CSGALNACT1: variants seen among roughly 807,000 people sequenced by gnomAD.
The protein encoded by CSGALNACT1 is chondroitin sulfate N-acetylgalactosaminyltransferase 1, also known as beta4GalNAcT-1.
A neutral mutation model predicts 51.0 loss-of-function variants in CSGALNACT1; 52 were observed. The observed-to-expected ratio is 1.02, with a 90% CI of 0.82 to 1.29. CSGALNACT1 has a LOEUF of 1.29. CSGALNACT1 is among the 50% of genes most tolerant of loss of function. The probability of loss-of-function intolerance (pLI) is 0.00; values close to 1 mark genes in which losing one functional copy is unlikely to be tolerated. For synonymous variants in CSGALNACT1, 341 were observed against 254.4 expected, an observed-to-expected ratio of 1.34 and a Z score of -3.24; for missense variants, 935 against 679.2, an observed-to-expected ratio of 1.38 and a Z score of -4.19.
At chr8:19,458,446 C>A in exon 5 of CSGALNACT1, 1 of 1,614,112 alleles carries the variant, frequency 6.2e-7, no homozygotes, top group South Asian at 1.1e-5. Flanking sequence ...GCATGAACTG[C>A]CGGAACTTGT....
intron 4 of CSGALNACT1, among the ~76,000 whole-genome samples, chr8:19,473,322 C>T (rs541189965): frequency 2.6e-5 from 4 of 152,218 alleles, no homozygotes; most frequent in African/African-American, 9.6e-5. Flanking sequence ...ATGATTAACC[C>T]GAAAGCCCTT....
At chr8:19,594,678 G>A (rs1444625596) in intron 2 of CSGALNACT1, among the ~76,000 whole-genome samples, 1 of 151,412 alleles carries the variant, frequency 6.6e-6, no homozygotes, top group Non-Finnish European at 1.5e-5. Context: ...CAAGTAGTTG[G>A]GATTACAGGT....
chr8:19,667,012 AAAGAAAGGAAGG>A (rs1564386216), intron 1 of CSGALNACT1, among the ~76,000 whole-genome samples: 13 of 34,388 alleles, frequency 3.8e-4, no homozygotes, highest in Admixed American at 1.2e-3. Context: ...AGAAAGAAAG[AAAGAAAGGAAGG>A]AAGGAAGGAA....
chr8:19,558,672 C>T (rs1053353583), intron 3 of CSGALNACT1, among the ~76,000 whole-genome samples: 2 of 152,154 alleles, frequency 1.3e-5, no homozygotes, highest in Non-Finnish European at 2.9e-5. Flanking sequence ...ATGCACTACT[C>T]AACTACTGAC....
At chr8:19,557,230 C>T (rs990504827) in intron 3 of CSGALNACT1, among the ~76,000 whole-genome samples, 17 of 152,260 alleles carry the variant, frequency 1.1e-4, no homozygotes, top group Non-Finnish European at 1.9e-4. Flanking sequence ...CTGGTCTACC[C>T]GGAATCCCTG....
intron 4 of CSGALNACT1, among the ~76,000 whole-genome samples, chr8:19,490,744 C>CA (rs1017315930): frequency 1.3e-5 from 2 of 152,090 alleles, no homozygotes; most frequent in Non-Finnish European, 2.9e-5. Flanking sequence ...TCTCCTTCCC[C>CA]AAAAAACCCT....
chr8:19,420,250 G>T, intron 7 of CSGALNACT1, 90 bp downstream of exon 6: 1 of 1,151,664 alleles, frequency 8.7e-7, no homozygotes, highest in Non-Finnish European at 1.3e-6. Flanking sequence ...TCAGAAGCAG[G>T]ACATCAGAGT....
intron 1 of CSGALNACT1, among the ~76,000 whole-genome samples, chr8:19,747,118 A>G (rs1472647914): frequency 6.6e-6 from 1 of 152,214 alleles, no homozygotes; most frequent in Non-Finnish European, 1.5e-5. Context: ...GAAAAGTGCA[A>G]AAAGTCACTG....
intron 1 of CSGALNACT1, among the ~76,000 whole-genome samples, chr8:19,696,376 G>A (rs2061584252): frequency 1.3e-5 from 2 of 152,200 alleles, no homozygotes; most frequent in African/African-American, 4.8e-5. Flanking sequence ...ATATAAGCAT[G>A]AATTAAAGGC....
At chr8:19,612,045 T>C (rs1044462187) in intron 1 of CSGALNACT1, among the ~76,000 whole-genome samples, 1 of 152,106 alleles carries the variant, frequency 6.6e-6, no homozygotes, top group Admixed American at 6.6e-5. Flanking sequence ...ACAACTTGGA[T>C]TAAAAATTCT....
At chr8:19,522,214 T>C (rs183910106) in intron 3 of CSGALNACT1, among the ~76,000 whole-genome samples, 5 of 152,240 alleles carry the variant, frequency 3.3e-5, no homozygotes, top group Admixed American at 2.6e-4. Context: ...AAATGTGGCA[T>C]GGACATCACT....
chr8:19,467,144 G>T (rs1346477375), intron 4 of CSGALNACT1, among the ~76,000 whole-genome samples: 2 of 124,676 alleles, frequency 1.6e-5, no homozygotes, highest in Admixed American at 1.8e-4. Context: ...TTTTGAGACG[G>T]AGTCTCACTC....
chr8:19,642,908 T>C (rs2056892537), intron 1 of CSGALNACT1, among the ~76,000 whole-genome samples: 1 of 152,224 alleles, frequency 6.6e-6, no homozygotes, highest in Admixed American at 6.5e-5. Context: ...TTTTTCTCCA[T>C]TTCAAAATAT....
intron 3 of CSGALNACT1, among the ~76,000 whole-genome samples, chr8:19,558,638 A>T (rs1213417363): frequency 1.3e-5 from 2 of 152,170 alleles, no homozygotes; most frequent in Non-Finnish European, 2.9e-5. Context: ...TTTTGCTTCC[A>T]AAAGTAAAAA....
chr8:19,578,447 G>A (rs754944408), intron 3 of CSGALNACT1, among the ~76,000 whole-genome samples: 2 of 152,188 alleles, frequency 1.3e-5, no homozygotes, highest in Non-Finnish European at 2.9e-5. Context: ...TCTCTTGCGT[G>A]TGGAGTGAAT....
intron 3 of CSGALNACT1, among the ~76,000 whole-genome samples, chr8:19,514,736 G>C (rs2079190557): frequency 6.6e-6 from 1 of 150,824 alleles, no homozygotes; most frequent in Admixed American, 6.6e-5. Flanking sequence ...GGGAGGCTGA[G>C]GAAGGAAAAT....
chr8:19,409,081 G>T (rs1295577696), intron 8 of CSGALNACT1, among the ~76,000 whole-genome samples: 1 of 152,184 alleles, frequency 6.6e-6, no homozygotes, highest in Non-Finnish European at 1.5e-5. Flanking sequence ...GGAGGCTTGG[G>T]CCCCTTACAC....
At chr8:19,705,604 GTGCA>G (rs751044316) in intron 1 of CSGALNACT1, among the ~76,000 whole-genome samples, 1 of 152,078 alleles carries the variant, frequency 6.6e-6, no homozygotes, top group East Asian at 1.9e-4. Flanking sequence ...GGGCATGGTG[GTGCA>G]TGCCCATAGT....
intron 1 of CSGALNACT1, among the ~76,000 whole-genome samples, chr8:19,679,120 T>C (rs1162276732): frequency 6.6e-6 from 1 of 152,182 alleles, no homozygotes; most frequent in Non-Finnish European, 1.5e-5. Context: ...ACAGGAACTC[T>C]TCTTAAAGGT....
Sources: allele counts gnomAD v4.1 joint callset (sites outside exome capture counted in the v4.1 genomes callset), GRCh38; gene constraint gnomAD v4.1.1; transcripts MANE v1.5; gene names NCBI Gene and HGNC (gene_info 2026-07-23, HGNC 2026-07-21).